The following TMEM47 variants were observed in gnomAD, a reference collection of about 807,000 sequenced individuals.
TMEM47 encodes the protein transmembrane protein 47.
Under a neutral mutation model 12.4 loss-of-function variants are expected in TMEM47, and 3 were observed. The ratio of observed to expected loss-of-function variants is 0.24; its 90% CI spans 0.11 to 0.63. TMEM47 has a LOEUF of 0.63. TMEM47 is among the 20% of genes least tolerant of loss of function. The probability of loss-of-function intolerance (pLI) is 0.86; values close to 1 mark genes in which losing one functional copy is unlikely to be tolerated. For missense variants in TMEM47, 89 were observed against 143.8 expected (o/e 0.62, Z 1.95); for synonymous variants, 62 against 63.3 (o/e 0.98, Z 0.10).
At chrX:34,642,141 G>A (rs1444831387) in intron 1 of TMEM47, among the ~76,000 whole-genome samples, 2 of 112,759 alleles carry the variant, frequency 1.8e-5, no homozygotes, top group Admixed American at 9.3e-5. Flanking sequence ...ACAGGCGTGA[G>A]CCACTGCACC....
Position 34,657,258 on chromosome X carries a change from C to T in TMEM47, c.-229G>A, listed in dbSNP as rs890730781. Reference sequence around the variant, plus strand: ...CAGCGACGTCGATTCCACCCCGGACCTTCGCCGCCGGCCCCGCGCCGCGCT... The same window carrying T: ...CAGCGACGTCGATTCCACCCCGGACTTTCGCCGCCGGCCCCGCGCCGCGCT... On this transcript the variant is annotated 5_prime_UTR_variant, in exon 1 of 3. Coordinates refer to ENST00000275954, the MANE Select transcript of TMEM47 (RefSeq NM_031442.4). 22 of 364,647 alleles carry T rather than the reference C, an allele frequency of 6.0e-5. No homozygotes were observed. The highest frequency in any genetic ancestry group is 4.3e-5 in the Non-Finnish European group (11 of 254,181). The allele number at this position is 364,647 out of a possible 1,213,427, so 30.1% of individuals were successfully genotyped here.
Position 34,628,553 on chromosome X carries a change from T to G in TMEM47, c.*1760A>C, listed in dbSNP as rs1165929115. 9.0e-6 allele frequency: 1 copy of G among 111,159 alleles called. No homozygotes were observed. Among genetic ancestry groups the G allele is most frequent in the Admixed American group, 9.6e-5 (1 of 10,365 alleles). 9.2% of individuals were successfully genotyped at this position (111,159 alleles called of 1,213,427 possible). A position where few individuals can be genotyped will look rare whatever the true frequency, so the allele number is the denominator to read the frequency against. ...AGCATTTGGATAATAAAATAGGTTTTTTTTTTTTGGCTGTTGTTTTTGGCA... is the reference window on the plus strand; with the variant it reads ...AGCATTTGGATAATAAAATAGGTTTGTTTTTTTTGGCTGTTGTTTTTGGCA... On this transcript the variant is annotated 3_prime_UTR_variant, in exon 3 of 3. Coordinates refer to ENST00000275954, the MANE Select transcript of TMEM47 (RefSeq NM_031442.4).
chrX:34,633,167 ACT>A (rs2147137150), intron 2 of TMEM47, among the ~76,000 whole-genome samples: 1 of 112,154 alleles, frequency 8.9e-6, no homozygotes, highest in East Asian at 2.8e-4. Flanking sequence ...CAAAGCTGCT[ACT>A]CTCATGGGTA....
At chrX:34,644,565 C>A (rs2147140330) in intron 1 of TMEM47, among the ~76,000 whole-genome samples, 1 of 112,188 alleles carries the variant, frequency 8.9e-6, no homozygotes, top group South Asian at 3.7e-4. Flanking sequence ...ATTTAGAAAC[C>A]TTTCACTTGT....
intron 1 of TMEM47, 100 bp downstream of exon 1, chrX:34,656,704 G>C (rs1922115387): frequency 2.7e-6 from 3 of 1,116,748 alleles, no homozygotes; most frequent in South Asian, 4.3e-5. Flanking sequence ...GGCCAGGGCA[G>C]AGGATGCGGG....
rs151067755 is a variant in TMEM47, at chrX:34,645,470, G to A, written c.227-6083C>T. 6.0e-3 allele frequency among the ~76,000 whole-genome samples: 670 copies of A among 111,905 alleles called. 10 individuals carry two copies. The highest frequency in any genetic ancestry group is 0.02 in the African/African-American group (628 of 30,872). On this transcript the variant is annotated intron_variant, in intron 1 of 2. Transcript: ENST00000275954. Reference sequence around the variant, plus strand: ...TATTTTGTGTAGAACCATAAACTTAGCCTAACTACTTCTAAAGGTATCAAA... The same window carrying A: ...TATTTTGTGTAGAACCATAAACTTAACCTAACTACTTCTAAAGGTATCAAA...
intron 2 of TMEM47, among the ~76,000 whole-genome samples, chrX:34,630,901 G>A (rs1429730347): frequency 9.1e-6 from 1 of 109,464 alleles, no homozygotes; most frequent in Non-Finnish European, 1.9e-5. Context: ...AGCCAGGTGC[G>A]GTGGCTCACG....
intron 1 of TMEM47, among the ~76,000 whole-genome samples, chrX:34,652,818 A>G (rs747346636): frequency 6.3e-5 from 7 of 111,801 alleles, no homozygotes; most frequent in Non-Finnish European, 1.3e-4. Flanking sequence ...AACTGCATTT[A>G]TTCTTCTTAT....
At chrX:34,646,295 T>C (rs1259756967) in intron 1 of TMEM47, among the ~76,000 whole-genome samples, 3 of 112,076 alleles carry the variant, frequency 2.7e-5, no homozygotes, top group Admixed American at 9.5e-5. Context: ...GAAATGTAAT[T>C]AATAATCTAA....
At chrX:34,655,264 G>C (rs73465284) in intron 1 of TMEM47, among the ~76,000 whole-genome samples, 1,307 of 111,909 alleles carry the variant, frequency 0.012, 21 homozygotes, top group African/African-American at 0.04. Context: ...CCAAGGAGTC[G>C]TGCAGTAGCT....
rs1288085966 is a variant in TMEM47 at position 34,645,382 on chromosome X, A to C, written c.227-5995T>G. Among the ~76,000 whole-genome samples, 15 of 112,225 alleles carry C rather than the reference A, an allele frequency of 1.3e-4. No homozygotes were observed. In the Admixed American group the frequency reaches 1.4e-3, roughly 11 times the overall value. On this transcript the variant is annotated intron_variant, in intron 1 of 2. Transcript: ENST00000275954. The stretch of plus-strand genomic sequence containing the variant: ...TAACTAAAGAATTTATCTTAATATT[A>C]ATGCTACGCATTTCTGAGTTTGGAT...
chrX:34,630,091 C>A lies in TMEM47; in HGVS notation c.*222G>T, dbSNP rs908053638. 6.2e-6 allele frequency: 2 copies of A among 324,579 alleles called. No individual in the cohort carries two copies. The highest frequency in any genetic ancestry group is 1.1e-5 in the Non-Finnish European group (2 of 184,828). 26.7% of individuals were successfully genotyped at this position (324,579 alleles called of 1,213,427 possible). A position where few individuals can be genotyped will look rare whatever the true frequency, so the allele number is the denominator to read the frequency against. ...ATATGAACATATTGGAAGTTTGCAG[C>A]ATTTGCCTATGTCTAATCAGCTCTC... On this transcript the variant is annotated 3_prime_UTR_variant, in exon 3 of 3. Coordinates refer to ENST00000275954, the MANE Select transcript of TMEM47 (RefSeq NM_031442.4).
At chrX:34,650,801 T>C (rs755489438) in intron 1 of TMEM47, among the ~76,000 whole-genome samples, 4 of 112,265 alleles carry the variant, frequency 3.6e-5, no homozygotes, top group Non-Finnish European at 7.5e-5. Context: ...AGGTTTTACA[T>C]GTATCTCTCT....
chrX:34,641,244 A>G (rs1348602970), intron 1 of TMEM47, among the ~76,000 whole-genome samples: 1 of 111,723 alleles, frequency 9.0e-6, no homozygotes, highest in Non-Finnish European at 1.9e-5. Context: ...TAAAAAAATC[A>G]AAGTTTAATT....
chrX:34,643,543 A>C (rs1307981430), intron 1 of TMEM47, among the ~76,000 whole-genome samples: 1 of 112,047 alleles, frequency 8.9e-6, no homozygotes, highest in East Asian at 2.8e-4. Flanking sequence ...ACAATCAGTT[A>C]ATTTCTATAT....
intron 2 of TMEM47, among the ~76,000 whole-genome samples, chrX:34,632,072 A>G (rs780096509): frequency 3.6e-5 from 4 of 111,973 alleles, no homozygotes; most frequent in Non-Finnish European, 7.5e-5. Context: ...TCTATGCAAC[A>G]ATGGCAGAGT....
chrX:34,642,029 G>A (rs1429234398), intron 1 of TMEM47, among the ~76,000 whole-genome samples: 1 of 111,925 alleles, frequency 8.9e-6, no homozygotes, highest in Non-Finnish European at 1.9e-5. Flanking sequence ...GTTAATTTTT[G>A]TATTTTTAGT....
rs776117532 is a variant in TMEM47, at chrX:34,632,634, TTAC to T, written c.368-2146_368-2144del. 6.3e-5 allele frequency among the ~76,000 whole-genome samples: 7 copies of T among 111,959 alleles called. No homozygotes were observed. In the South Asian group the frequency reaches 2.6e-3, roughly 42 times the overall value. On this transcript the variant is annotated intron_variant, in intron 2 of 2. Coordinates refer to ENST00000275954, the MANE Select transcript of TMEM47 (RefSeq NM_031442.4). ...TGCTGAGTCAGCACTTTGCCTACCA[TTAC>T]TACTGAGAGTGGATACACAAGTAAG... is the stretch of plus-strand genomic sequence containing the variant.
chrX:34,642,720 A>G (rs1224620658), intron 1 of TMEM47, among the ~76,000 whole-genome samples: 1 of 112,169 alleles, frequency 8.9e-6, no homozygotes, highest in Non-Finnish European at 1.9e-5. Flanking sequence ...AACCAGAGAT[A>G]TGACTGCTCA....
Sources: allele counts gnomAD v4.1 joint callset (sites outside exome capture counted in the v4.1 genomes callset), GRCh38; gene constraint gnomAD v4.1.1; transcripts MANE v1.5; gene names NCBI Gene and HGNC (gene_info 2026-07-23, HGNC 2026-07-21).